Variants in ZSWIM5 observed in about 807,000 individuals in gnomAD.
ZSWIM5 encodes zinc finger SWIM domain-containing protein 5.
In ZSWIM5, 55 loss-of-function variants were observed where a neutral mutation model predicts 119.6. That is an observed-to-expected ratio of 0.46 (90% confidence interval 0.37 to 0.58). The LOEUF is 0.58. Among genes scored for constraint, ZSWIM5 ranks in the 20% least tolerant of loss-of-function variants. The pLI is 0.00. For missense variants in ZSWIM5, 1,193 were observed against 1,512.8 expected (o/e 0.79, Z 3.51); for synonymous variants, 537 against 606.9 (o/e 0.88, Z 1.69).
chr1:45,184,304 C>A (rs1326332626), intron 1 of ZSWIM5, among the ~76,000 whole-genome samples: 1 of 151,924 alleles, frequency 6.6e-6, no homozygotes, highest in Non-Finnish European at 1.5e-5. Flanking sequence ...ACTGAATGGG[C>A]AAAAACTGGA....
chr1:45,027,995 C>T (rs1644930349), intron 11 of ZSWIM5, among the ~76,000 whole-genome samples: 1 of 152,186 alleles, frequency 6.6e-6, no homozygotes, highest in South Asian at 2.1e-4. Context: ...GGACTACAGG[C>T]ATGTACCACC....
chr1:45,061,731 C>T (rs1645152967), intron 2 of ZSWIM5, among the ~76,000 whole-genome samples: 1 of 109,484 alleles, frequency 9.1e-6, no homozygotes, highest in South Asian at 4.2e-4. Context: ...TACCCATCAC[C>T]TCACCAGTTT....
intron 7 of ZSWIM5, 58 bp downstream of exon 7, chr1:45,040,334 C>T: frequency 6.7e-7 from 1 of 1,491,234 alleles, no homozygotes. Flanking sequence ...CTTGTATCCC[C>T]TGAGGATCCT....
intron 2 of ZSWIM5, among the ~76,000 whole-genome samples, chr1:45,079,052 G>A (rs896863699): frequency 6.6e-6 from 1 of 152,114 alleles, no homozygotes; most frequent in Non-Finnish European, 1.5e-5. Flanking sequence ...CAAAAGAAGT[G>A]AAAATGGCCG....
At chr1:45,176,928 C>T (rs1645984750) in intron 1 of ZSWIM5, among the ~76,000 whole-genome samples, 1 of 152,106 alleles carries the variant, frequency 6.6e-6, no homozygotes, top group Non-Finnish European at 1.5e-5. Context: ...CCATGCTAGG[C>T]CACTGCTCCA....
At chr1:45,041,444 G>A (rs141444759) in intron 6 of ZSWIM5, among the ~76,000 whole-genome samples, 44 of 151,396 alleles carry the variant, frequency 2.9e-4, no homozygotes, top group Non-Finnish European at 4.6e-4. Flanking sequence ...ATAGAATTGC[G>A]GAAAATTTGA....
In ZSWIM5 at chr1:45,108,424, A is replaced by ATTGCATGATCAATG. The variant is rs575483431; in HGVS notation, c.596-20188_596-20187insCATTGATCATGCAA. Among the ~76,000 whole-genome samples the ATTGCATGATCAATG allele has an allele frequency of 1.2e-4, 19 of 152,320 alleles. No homozygotes were observed. In the East Asian group the frequency reaches 3.5e-3, roughly 28 times the overall value. Reference sequence around the variant, plus strand: ...TAGGTAGCTATTTTTGACCAACCACAGTATTGCATGATCAATGGTTTATTT... The same window carrying ATTGCATGATCAATG: ...TAGGTAGCTATTTTTGACCAACCACATTGCATGATCAATGGTATTGCATGATCAATGGTTTATTT... On this transcript the variant is annotated intron_variant, in intron 1 of 13. Coordinates refer to ENST00000359600, the MANE Select transcript of ZSWIM5 (RefSeq NM_020883.2).
intron 4 of ZSWIM5, among the ~76,000 whole-genome samples, chr1:45,052,759 A>G (rs961808992): frequency 3.2e-3 from 13 of 4,012 alleles, no homozygotes; most frequent in East Asian, 0.012. Flanking sequence ...GGTGATGGGA[A>G]AAAAAAAAAA....
chr1:45,166,471 C>T (rs1050632098), intron 1 of ZSWIM5, among the ~76,000 whole-genome samples: 5 of 151,912 alleles, frequency 3.3e-5, no homozygotes, highest in Non-Finnish European at 7.4e-5. Context: ...CTGGCCAGGG[C>T]AATCAGGCAG....
intron 1 of ZSWIM5, among the ~76,000 whole-genome samples, chr1:45,160,535 T>C (rs940622149): frequency 1.4e-4 from 22 of 152,212 alleles, no homozygotes; most frequent in Admixed American, 1.4e-3. Context: ...GGTATCTGTC[T>C]TTCTGTGCTT....
At chr1:45,153,074 ATGGCTACT>A in intron 1 of ZSWIM5, among the ~76,000 whole-genome samples, 1 of 149,602 alleles carries the variant, frequency 6.7e-6, no homozygotes, top group Admixed American at 6.7e-5. Flanking sequence ...ACCAATCAGA[ATGGCTACT>A]ATTAAAAAGT....
At chr1:45,039,726 C>T (rs529460187) in intron 7 of ZSWIM5, among the ~76,000 whole-genome samples, 7 of 150,588 alleles carry the variant, frequency 4.6e-5, no homozygotes, top group African/African-American at 1.7e-4. Flanking sequence ...TATTTTAAGA[C>T]GGAGCTCTGC....
intron 1 of ZSWIM5, among the ~76,000 whole-genome samples, chr1:45,140,675 C>A (rs980711879): frequency 1.3e-5 from 2 of 152,118 alleles, no homozygotes; most frequent in African/African-American, 4.8e-5. Flanking sequence ...ACACTGCCTA[C>A]AACAAACCCA....
chr1:45,053,716 T>C (rs1645103602), intron 4 of ZSWIM5, among the ~76,000 whole-genome samples: 2 of 136,710 alleles, frequency 1.5e-5, no homozygotes, highest in South Asian at 2.2e-4. Flanking sequence ...TGAGCCAAGA[T>C]TGAACTACTG....
intron 4 of ZSWIM5, among the ~76,000 whole-genome samples, chr1:45,053,762 C>CAAA (rs10675427): frequency 0.026 from 2,364 of 89,724 alleles, 62 homozygotes; most frequent in Non-Finnish European, 0.035. Flanking sequence ...GACTCTGTTT[C>CAAA]AAAAAAAAAA....
chr1:45,129,216 T>C (rs563185763), intron 1 of ZSWIM5, among the ~76,000 whole-genome samples: 41 of 141,246 alleles, frequency 2.9e-4, no homozygotes, highest in African/African-American at 9.5e-4. Context: ...TGAAGCGCAA[T>C]TGCGCAATCT....
At chr1:45,084,704 CA>C (rs1343373698) in intron 2 of ZSWIM5, among the ~76,000 whole-genome samples, 1 of 152,224 alleles carries the variant, frequency 6.6e-6, no homozygotes, top group Non-Finnish European at 1.5e-5. Context: ...CTTAAATCTC[CA>C]AAATAATCCC....
rs374320796 is a variant in ZSWIM5 at position 45,193,487 on chromosome 1, G to A, written c.595+12269C>T. Among the ~76,000 whole-genome samples the A allele has an allele frequency of 3.3e-5, 5 of 152,186 alleles. No homozygotes were observed. In the East Asian group the frequency reaches 7.7e-4, roughly 23 times the overall value. ...ATGGTGAAGTAAAACAAAAATCTAG[G>A]AAGAAGCATTTCAAGAGAAATGTAT... is the stretch of plus-strand genomic sequence containing the variant. On this transcript the variant is annotated intron_variant, in intron 1 of 13. Transcript: ENST00000359600.
At chr1:45,167,354 C>G (rs1000599940) in intron 1 of ZSWIM5, among the ~76,000 whole-genome samples, 5 of 151,292 alleles carry the variant, frequency 3.3e-5, no homozygotes, top group African/African-American at 4.9e-5. Flanking sequence ...ATGTTAGACC[C>G]AAAACCATAA....
Sources: gnomAD v4.1 joint callset for allele counts (sites outside exome capture counted in the v4.1 genomes callset) on GRCh38, gnomAD v4.1.1 for gene constraint, MANE v1.5 for transcripts, NCBI Gene and HGNC (gene_info 2026-07-23, HGNC 2026-07-21) for gene names.